EPHB1: variants seen among roughly 807,000 people sequenced by gnomAD.
EPHB1 encodes the protein EPH receptor B1.
Under a neutral mutation model 94.4 loss-of-function variants are expected in EPHB1, and 30 were observed. The observed-to-expected ratio is 0.32, with a 90% CI of 0.24 to 0.43. The LOEUF (loss-of-function observed/expected upper bound fraction) is 0.43. EPHB1 is among the 20% of genes least tolerant of loss of function. The pLI is 1.00. For missense variants in EPHB1, 1,055 were observed against 1,308.3 expected, an observed-to-expected ratio of 0.81 and a Z score of 2.99; for synonymous variants, 522 against 489.1, an observed-to-expected ratio of 1.07 and a Z score of -0.89.
intron 7 of EPHB1, among the ~76,000 whole-genome samples, chr3:135,165,353 T>C (rs1941621357): frequency 6.6e-6 from 1 of 152,210 alleles, no homozygotes; most frequent in Non-Finnish European, 1.5e-5. Flanking sequence ...TCTGTCTGCC[T>C]CTATGACCCG....
intron 3 of EPHB1, among the ~76,000 whole-genome samples, chr3:135,089,603 G>A (rs1330763552): frequency 3.3e-5 from 5 of 152,160 alleles, no homozygotes; most frequent in African/African-American, 1.2e-4. Flanking sequence ...TTTATTAAGA[G>A]GGCTTTGCTG....
chr3:134,920,373 G>A (rs1174172207), intron 1 of EPHB1, among the ~76,000 whole-genome samples: 1 of 152,170 alleles, frequency 6.6e-6, no homozygotes, highest in Non-Finnish European at 1.5e-5. Context: ...CTTTGTTCTT[G>A]AGCTATTTCA....
At chr3:134,813,580 CTG>C (rs1406044143) in intron 1 of EPHB1, among the ~76,000 whole-genome samples, 2 of 152,218 alleles carry the variant, frequency 1.3e-5, no homozygotes, top group Non-Finnish European at 2.9e-5. Context: ...TGATAGGACA[CTG>C]TGAGTGTCCG....
chr3:135,135,526 T>G (rs1429709066), intron 5 of EPHB1, among the ~76,000 whole-genome samples: 1 of 152,152 alleles, frequency 6.6e-6, no homozygotes, highest in Non-Finnish European at 1.5e-5. Context: ...CTCTAATGAC[T>G]CAGATCCATT....
intron 1 of EPHB1, among the ~76,000 whole-genome samples, chr3:134,811,242 G>GTGTTTT (rs750299099): frequency 1.5e-4 from 11 of 73,848 alleles, no homozygotes; most frequent in Non-Finnish European, 1.4e-4. Flanking sequence ...TACTAAGAAG[G>GTGTTTT]TTTTTTTTTT....
chr3:135,053,011 ATATG>A (rs1454604577), intron 3 of EPHB1, among the ~76,000 whole-genome samples: 3 of 34,150 alleles, frequency 8.8e-5, no homozygotes, highest in South Asian at 1.0e-3. Context: ...GTGTGTATAT[ATATG>A]TGTGTGTGTG....
At chr3:134,841,419 G>A (rs1215651269) in intron 1 of EPHB1, 1 of 152,190 alleles carries the variant, frequency 6.6e-6, no homozygotes, top group East Asian at 1.9e-4. Context: ...ACAGGTGGGA[G>A]GTCTCCAGGT....
At position 135,009,914 on chromosome 3, in the gene EPHB1, G is replaced by A. The variant is rs569477565; in HGVS notation, c.805+57862G>A. On this transcript the variant is annotated intron_variant, in intron 3 of 15. Transcript: ENST00000398015. ...TTATTTGCTTTTTAAATCAAGTAAT[G>A]TACAAAAGTACAAATTTTAAAATGA... Among the ~76,000 whole-genome samples, 17 of 152,240 alleles carry A rather than the reference G, an allele frequency of 1.1e-4. No individual in the cohort carries two copies. In the South Asian group the frequency reaches 3.3e-3, roughly 30 times the overall value.
intron 12 of EPHB1, among the ~76,000 whole-genome samples, chr3:135,232,499 A>G (rs751794149): frequency 1.2e-4 from 18 of 152,348 alleles, no homozygotes; most frequent in Non-Finnish European, 2.2e-4. Context: ...AGAGTGTCCA[A>G]CCTGCCAACT....
chr3:134,912,650 G>A (rs1328831460), intron 1 of EPHB1, among the ~76,000 whole-genome samples: 3 of 152,222 alleles, frequency 2.0e-5, no homozygotes, highest in South Asian at 4.1e-4. Flanking sequence ...CTGATTAAAT[G>A]CCCCCTGAGG....
intron 1 of EPHB1, among the ~76,000 whole-genome samples, chr3:134,812,688 T>A (rs980391867): frequency 1.3e-5 from 2 of 152,228 alleles, no homozygotes; most frequent in African/African-American, 4.8e-5. Flanking sequence ...GCCAGTCTGT[T>A]TTCCAAAGTG....
chr3:135,117,657 C>A (rs1939770839), intron 4 of EPHB1, among the ~76,000 whole-genome samples: 1 of 152,196 alleles, frequency 6.6e-6, no homozygotes, highest in South Asian at 2.1e-4. Context: ...TCAATCTGTC[C>A]CCCCTTCCCA....
intron 10 of EPHB1, among the ~76,000 whole-genome samples, chr3:135,187,507 A>G (rs1433172276): frequency 2.0e-5 from 3 of 152,208 alleles, no homozygotes; most frequent in Non-Finnish European, 4.4e-5. Context: ...AAATGCAAAA[A>G]TAGTTTCTTG....
At chr3:134,917,434 C>T (rs2038598178) in intron 1 of EPHB1, among the ~76,000 whole-genome samples, 1 of 152,210 alleles carries the variant, frequency 6.6e-6, no homozygotes, top group South Asian at 2.1e-4. Context: ...CTGGGCCTTC[C>T]CACTTTTTCA....
intron 1 of EPHB1, among the ~76,000 whole-genome samples, chr3:134,895,869 C>T (rs2038076813): frequency 6.6e-6 from 1 of 152,232 alleles, no homozygotes; most frequent in Non-Finnish European, 1.5e-5. Context: ...GCATGGGTCC[C>T]TTCATAAGGC....
intron 3 of EPHB1, among the ~76,000 whole-genome samples, chr3:134,961,148 T>C (rs1357780717): frequency 1.3e-5 from 2 of 152,220 alleles, no homozygotes; most frequent in Admixed American, 6.5e-5. Flanking sequence ...TGTATGCTTA[T>C]ATATGAGATT....
intron 12 of EPHB1, among the ~76,000 whole-genome samples, chr3:135,234,623 G>A (rs539007496): frequency 2.6e-5 from 4 of 152,300 alleles, no homozygotes; most frequent in Admixed American, 6.5e-5. Flanking sequence ...ATTTATAAAG[G>A]AAAGAGGTTT....
rs6775883 is a variant in EPHB1 at position 134,876,023 on chromosome 3, G to A, written c.59-49793G>A. ...TCGCATGGGAAATATGCACTGAGTCGTGTGCTAGGTAGGGAGCTTGTAATG... is the reference window on the plus strand; with the variant it reads ...TCGCATGGGAAATATGCACTGAGTCATGTGCTAGGTAGGGAGCTTGTAATG... On this transcript the variant is annotated intron_variant, in intron 1 of 15. Coordinates refer to ENST00000398015, the MANE Select transcript of EPHB1 (RefSeq NM_004441.5). Among the ~76,000 whole-genome samples the A allele has an allele frequency of 8.9e-3, 1,349 of 152,258 alleles. 19 individuals carry two copies. Among genetic ancestry groups the A allele is most frequent in the African/African-American group, 0.027 (1,117 of 41,528 alleles).
At chr3:134,862,428 A>G (rs1290683188) in intron 1 of EPHB1, among the ~76,000 whole-genome samples, 2 of 151,850 alleles carry the variant, frequency 1.3e-5, no homozygotes, top group African/African-American at 4.8e-5. Context: ...TGAGGGTACA[A>G]CGCTGCTTGG....
Sources: gnomAD v4.1 joint callset for allele counts (sites outside exome capture counted in the v4.1 genomes callset) on GRCh38, gnomAD v4.1.1 for gene constraint, MANE v1.5 for transcripts, NCBI Gene and HGNC (gene_info 2026-07-23, HGNC 2026-07-21) for gene names.